COL6A5: variants seen among roughly 807,000 people sequenced by gnomAD.
COL6A5 encodes the protein collagen alpha-5(VI) chain.
In COL6A5, 48 loss-of-function variants were observed where a neutral mutation model predicts 65.6. That is an observed-to-expected ratio of 0.73 (90% CI 0.58 to 0.93). The LOEUF (loss-of-function observed/expected upper bound fraction) is 0.93, where lower values mean the gene tolerates loss of function less well. Ranked by LOEUF, COL6A5 falls within the 40% of genes least tolerant of loss-of-function variation. The probability of loss-of-function intolerance (pLI) is 0.00; values close to 1 mark genes in which losing one functional copy is unlikely to be tolerated. For missense variants in COL6A5, 914 were observed against 928.3 expected, an observed-to-expected ratio of 0.98 and a Z score of 0.20; for synonymous variants, 291 against 322.8, an observed-to-expected ratio of 0.90 and a Z score of 1.05.
chr3:130,379,553 A>G (rs1227383819), exon 4 of COL6A5: 3 of 1,551,344 alleles, frequency 1.9e-6, no homozygotes, highest in South Asian at 2.4e-5. Flanking sequence ...ATGGATGTGA[A>G]GGAAAATTGC....
chr3:130,453,120 C>T (rs527720517), intron 4 of COL6A5, among the ~76,000 whole-genome samples: 28 of 152,114 alleles, frequency 1.8e-4, no homozygotes, highest in South Asian at 4.2e-4. Flanking sequence ...ATCATCACAG[C>T]GTCCTGAGGT....
intron 15 of COL6A5, 41 bp from the exon 16 acceptor site, chr3:130,406,090 G>A: frequency 6.5e-7 from 1 of 1,548,012 alleles, no homozygotes; most frequent in Non-Finnish European, 8.7e-7. Context: ...GTGTGGCAGA[G>A]ACCTGCTTTT....
At chr3:130,356,543 T>A (rs1348419655) in intron 1 of COL6A5, among the ~76,000 whole-genome samples, 1 of 150,594 alleles carries the variant, frequency 6.6e-6, no homozygotes. Context: ...AAAACCTCAA[T>A]TACTTTTGCA....
Position 130,380,048 on chromosome 3 carries a change from C to G in COL6A5, c.1298C>G (p.Thr433Ser). ...GCTGAACAAAGGAATCTTGATAAAACTGGTATGTTTTTTAAAATACTTTTC... is the reference window on the plus strand; with the variant it reads ...GCTGAACAAAGGAATCTTGATAAAAGTGGTATGTTTTTTAAAATACTTTTC... Residue 433 changes from threonine (T) to serine (S), a missense_variant and splice_region_variant and NMD_transcript_variant, in exon 4 of 42, where the codon ACT becomes AGT. By Grantham distance (58) the Thr-to-Ser change is moderately conservative (BLOSUM62 1). Transcript: ENST00000312481. 2 of 1,505,032 alleles carry G rather than the reference C, an allele frequency of 1.3e-6. No individual in the cohort carries two copies. The highest frequency in any genetic ancestry group is 1.8e-6 in the Non-Finnish European group (2 of 1,125,844). 93.2% of individuals were successfully genotyped at this position (1,505,032 alleles called of 1,614,324 possible).
intron 7 of COL6A5, 40 bp from the exon 8 acceptor site, chr3:130,394,850 G>A: frequency 6.8e-7 from 1 of 1,470,802 alleles, no homozygotes; most frequent in Non-Finnish European, 9.1e-7. Context: ...AATTTCGAAT[G>A]ATTCATGAGG....
chr3:130,472,858 T>TATATATATATATATATATATAC (rs1198559167), intron 7 of COL6A5, among the ~76,000 whole-genome samples: 1 of 141,850 alleles, frequency 7.0e-6, no homozygotes, highest in Non-Finnish European at 1.5e-5. Flanking sequence ...TATATATATA[T>TATATATATATATATATATATAC]ACACATTTAT....
intron 7 of COL6A5, 29 bp downstream of exon 7, chr3:130,391,783 G>A: frequency 6.8e-7 from 1 of 1,476,912 alleles, no homozygotes; most frequent in South Asian, 1.3e-5. Context: ...AGTTTCTATG[G>A]GGGTAGCAAT....
Position 130,426,253 on chromosome 3 carries a change from T to C in COL6A5, c.5199+4T>C. 1 of 1,551,370 alleles carries C rather than the reference T, an allele frequency of 6.4e-7. No homozygotes were observed. Among genetic ancestry groups the C allele is most frequent in the Non-Finnish European group, 8.7e-7 (1 of 1,146,712 alleles). On this transcript the variant is annotated splice_donor_region_variant and intron_variant and NMD_transcript_variant, in intron 30 of 41. Transcript: ENST00000312481. Reference sequence around the variant, plus strand: ...GGCAGGGCAGCCTGTATATTCTGTATGTATCTCCTTATTCATGAAAGAAAA... The same window carrying C: ...GGCAGGGCAGCCTGTATATTCTGTACGTATCTCCTTATTCATGAAAGAAAA...
intron 5 of COL6A5, among the ~76,000 whole-genome samples, chr3:130,466,983 A>G (rs1289646674): frequency 6.6e-6 from 1 of 152,028 alleles, no homozygotes; most frequent in Non-Finnish European, 1.5e-5. Context: ...AACTCCAGGT[A>G]TGGATGATTT....
intron 29 of COL6A5, among the ~76,000 whole-genome samples, chr3:130,424,833 T>C (rs1333496264): frequency 6.6e-6 from 1 of 152,112 alleles, no homozygotes; most frequent in Non-Finnish European, 1.5e-5. Context: ...GTTCTGGATT[T>C]ATCTCCTCAG....
chr3:130,468,867 A>G, exon 6 of COL6A5: 1 of 1,611,834 alleles, frequency 6.2e-7, no homozygotes. Context: ...CTTCAAGAAT[A>G]TTACATGGAT....
upstream of COL6A5, chr3:130,431,196 A>G (rs1937785398): frequency 1.5e-6 from 1 of 676,394 alleles, no homozygotes; most frequent in Non-Finnish European, 2.7e-6. Flanking sequence ...ACTCCCACCA[A>G]TTTCATTTTA....
chr3:130,422,494 T>C (rs1937535221), intron 27 of COL6A5, among the ~76,000 whole-genome samples: 1 of 151,994 alleles, frequency 6.6e-6, no homozygotes, highest in Non-Finnish European at 1.5e-5. Flanking sequence ...AATTGAAATG[T>C]ATATGTAAAT....
At chr3:130,354,492 C>T (rs1175541447) in intron 1 of COL6A5, among the ~76,000 whole-genome samples, 1 of 152,194 alleles carries the variant, frequency 6.6e-6, no homozygotes, top group Non-Finnish European at 1.5e-5. Context: ...CGAGAACCAA[C>T]ATTCTCTAGG....
At chr3:130,410,552 C>T (rs918419205) in intron 20 of COL6A5, 28 bp downstream of exon 20, 2 of 1,534,002 alleles carry the variant, frequency 1.3e-6, no homozygotes, top group African/African-American at 2.7e-5. Context: ...CATTTATTTC[C>T]CCTCCTTGCC....
intron 17 of COL6A5, among the ~76,000 whole-genome samples, chr3:130,407,921 C>A (rs1348353600): frequency 6.6e-6 from 1 of 152,132 alleles, no homozygotes; most frequent in Non-Finnish European, 1.5e-5. Context: ...TATCACTTCC[C>A]CAATGAATAC....
At chr3:130,420,003 C>T (rs2107683291) in intron 25 of COL6A5, among the ~76,000 whole-genome samples, 1 of 152,194 alleles carries the variant, frequency 6.6e-6, no homozygotes, top group Non-Finnish European at 1.5e-5. Context: ...CAATCCATTG[C>T]CTCCATAAAG....
rs1032668784 is a variant in COL6A5 at position 130,449,829 on chromosome 3, C to A, written c.1333-5626C>A. 4.6e-5 allele frequency among the ~76,000 whole-genome samples: 7 copies of A among 152,158 alleles called. No individual in the cohort carries two copies. The East Asian group carries it at 9.7e-4, about 21-fold the overall frequency. ...ATGGAAACAGGAACCTTGGCAGACA[C>A]GATTAATTTAATCTCATCAACGGAA... On this transcript the variant is annotated intron_variant, in intron 4 of 7. Coordinates refer to ENST00000512836, the Ensembl canonical transcript of COL6A5.
At chr3:130,427,443 G>C (rs942388870), upstream of COL6A5, among the ~76,000 whole-genome samples, 9 of 152,152 alleles carry the variant, frequency 5.9e-5, no homozygotes, top group African/African-American at 2.2e-4. Flanking sequence ...AGCAAGTTTA[G>C]AATAACCGTC....
Sources: gnomAD v4.1 joint callset for allele counts (sites outside exome capture counted in the v4.1 genomes callset) on GRCh38, gnomAD v4.1.1 for gene constraint, MANE v1.5 for transcripts, NCBI Gene and HGNC (gene_info 2026-07-23, HGNC 2026-07-21) for gene names.